The following AK3 variants were observed in gnomAD, a reference collection of about 807,000 sequenced individuals.
AK3 encodes GTP:AMP phosphotransferase AK3, mitochondrial.
AK3 carries 27 observed loss-of-function variants against 23.7 expected under a neutral mutation model. That is an observed-to-expected ratio of 1.14 (90% CI 0.84 to 1.57). The LOEUF (loss-of-function observed/expected upper bound fraction) is 1.57. AK3 is among the 40% of genes most tolerant of loss of function. AK3 has a pLI of 0.00. For missense variants in AK3, 406 were observed against 285.6 expected, an observed-to-expected ratio of 1.42 and a Z score of -3.04; for synonymous variants, 159 against 116.0, an observed-to-expected ratio of 1.37 and a Z score of -2.38.
At chr9:4,741,833 C>G (rs1272243200), upstream of AK3, 1 of 146,140 alleles carries the variant, frequency 6.8e-6, no homozygotes, top group Non-Finnish European at 1.5e-5. Context: ...CCCTGGACCG[C>G]CAGACCCCCC....
intron 2 of AK3, among the ~76,000 whole-genome samples, chr9:4,720,200 G>C (rs533106760): frequency 1.3e-5 from 2 of 152,298 alleles, no homozygotes; most frequent in East Asian, 3.9e-4. Flanking sequence ...GCTAAACAAT[G>C]TGGTTCAAAA....
intron 4 of AK3, among the ~76,000 whole-genome samples, chr9:4,713,755 C>G (rs1328710805): frequency 2.0e-5 from 3 of 152,106 alleles, no homozygotes; most frequent in African/African-American, 4.8e-5. Flanking sequence ...CAGCCAAAGT[C>G]TATTTTATTT....
chr9:4,738,821 G>C (rs1430287694), intron 1 of AK3, among the ~76,000 whole-genome samples: 1 of 143,802 alleles, frequency 7.0e-6, no homozygotes, highest in African/African-American at 2.6e-5. Context: ...ACCCAGCTTG[G>C]AGTGTAGTAG....
intron 2 of AK3, 104 bp from the exon 3 acceptor site, chr9:4,719,411 G>A (rs571977591): frequency 1.9e-6 from 2 of 1,034,800 alleles, no homozygotes; most frequent in South Asian, 3.4e-5. Flanking sequence ...AATTAATGTT[G>A]GACAATCTGA....
chr9:4,712,820 G>T lies in AK3; in HGVS notation c.*156C>A. The T allele has an allele frequency of 1.3e-6, 1 of 762,094 alleles. No homozygotes were observed. Among genetic ancestry groups the T allele is most frequent in the Non-Finnish European group, 2.0e-6 (1 of 512,668 alleles). 47.2% of individuals were successfully genotyped at this position (762,094 alleles called of 1,614,324 possible). On this transcript the variant is annotated 3_prime_UTR_variant, in exon 5 of 5. Coordinates refer to ENST00000381809, the MANE Select transcript of AK3 (RefSeq NM_016282.4). ...TGCATCTTAGTATCCGAATCATTTGGCACATCCTTAGTATCCAAAATAAAA... is the reference window on the plus strand; with the variant it reads ...TGCATCTTAGTATCCGAATCATTTGTCACATCCTTAGTATCCAAAATAAAA...
chr9:4,719,550 G>A (rs1264537574), intron 2 of AK3, among the ~76,000 whole-genome samples: 2 of 152,118 alleles, frequency 1.3e-5, no homozygotes, highest in Non-Finnish European at 2.9e-5. Flanking sequence ...ATATCTGTCA[G>A]GCTGCTTTTG....
intron 2 of AK3, among the ~76,000 whole-genome samples, chr9:4,721,506 C>G (rs1451150022): frequency 6.6e-6 from 1 of 151,882 alleles, no homozygotes; most frequent in Non-Finnish European, 1.5e-5. Context: ...GTCACCCAGG[C>G]TGGAGTGCAG....
intron 4 of AK3, among the ~76,000 whole-genome samples, chr9:4,715,968 G>A (rs1179181370): frequency 6.6e-6 from 1 of 152,128 alleles, no homozygotes; most frequent in East Asian, 1.9e-4. Flanking sequence ...TGGCAAAAGA[G>A]GCTCTTTGCT....
intron 1 of AK3, among the ~76,000 whole-genome samples, chr9:4,740,723 C>T (rs1017779967): frequency 6.6e-6 from 1 of 152,200 alleles, no homozygotes; most frequent in African/African-American, 2.4e-5. Context: ...CCAGTCCCTT[C>T]CCCCACCGCC....
At chr9:4,735,903 T>G (rs1314964666) in intron 1 of AK3, among the ~76,000 whole-genome samples, 1 of 151,788 alleles carries the variant, frequency 6.6e-6, no homozygotes, top group Non-Finnish European at 1.5e-5. Context: ...TCACTTGAGG[T>G]AGGAAGTTCG....
chr9:4,733,089 T>A (rs143667015), intron 1 of AK3, among the ~76,000 whole-genome samples: 101 of 152,142 alleles, frequency 6.6e-4, no homozygotes, highest in Admixed American at 2.4e-3. Context: ...ACTCTACTGA[T>A]CCTCCTGCCT....
At chr9:4,726,729 A>T (rs1842030979) in intron 1 of AK3, among the ~76,000 whole-genome samples, 1 of 151,132 alleles carries the variant, frequency 6.6e-6, no homozygotes, top group African/African-American at 2.4e-5. Flanking sequence ...TTCCTGAATC[A>T]TGAGTGTTCT....
chr9:4,740,501 G>GA (rs1842402970), intron 1 of AK3, among the ~76,000 whole-genome samples: 1 of 152,142 alleles, frequency 6.6e-6, no homozygotes, highest in Non-Finnish European at 1.5e-5. Flanking sequence ...CACCAAAAAA[G>GA]AAAGAGAAAA....
At chr9:4,728,414 T>C (rs766889602) in intron 1 of AK3, among the ~76,000 whole-genome samples, 1 of 151,752 alleles carries the variant, frequency 6.6e-6, no homozygotes, top group African/African-American at 2.4e-5. Context: ...CTACTAGTAA[T>C]ACAAAAATTA....
chr9:4,726,107 T>TA (rs1413467091), intron 1 of AK3, among the ~76,000 whole-genome samples: 3 of 152,216 alleles, frequency 2.0e-5, no homozygotes, highest in Non-Finnish European at 2.9e-5. Context: ...GTTTTATTGC[T>TA]AAAAAATGTT....
chr9:4,726,785 T>C (rs956667811), intron 1 of AK3, among the ~76,000 whole-genome samples: 2 of 151,346 alleles, frequency 1.3e-5, no homozygotes, highest in African/African-American at 2.4e-5. Context: ...TTTTTCTATT[T>C]ACTTTGCCCA....
intron 1 of AK3, among the ~76,000 whole-genome samples, chr9:4,729,477 G>A (rs956090046): frequency 1.3e-5 from 2 of 151,890 alleles, no homozygotes; most frequent in African/African-American, 4.8e-5. Flanking sequence ...GTCTTGCAGG[G>A]AGGGGGGAAA....
At chr9:4,721,916 T>G (rs1021670710) in intron 2 of AK3, among the ~76,000 whole-genome samples, 1 of 151,722 alleles carries the variant, frequency 6.6e-6, no homozygotes, top group Admixed American at 6.5e-5. Flanking sequence ...GCTGCAGGGC[T>G]TGGCAAGGGC....
rs115560068 is a variant in AK3 at position 4,733,461 on chromosome 9, G to C, written c.151+7476C>G. Reference sequence around the variant, plus strand: ...AAAGTCCTTGTTTCTCTCTGGTGATGGGTAAATCATGTTCATTTTATTCTT... The same window carrying C: ...AAAGTCCTTGTTTCTCTCTGGTGATCGGTAAATCATGTTCATTTTATTCTT... On this transcript the variant is annotated intron_variant, in intron 1 of 4. Transcript: ENST00000381809. Among the ~76,000 whole-genome samples, 1,284 of 152,272 alleles carry C rather than the reference G, an allele frequency of 8.4e-3. 15 individuals are homozygous for C. The highest frequency in any genetic ancestry group is 0.029 in the African/African-American group (1,189 of 41,540).
Sources: gnomAD v4.1 joint callset for allele counts (sites outside exome capture counted in the v4.1 genomes callset) on GRCh38, gnomAD v4.1.1 for gene constraint, MANE v1.5 for transcripts, NCBI Gene and HGNC (gene_info 2026-07-23, HGNC 2026-07-21) for gene names.